The following ASTN2 variants were observed in gnomAD, a reference collection of about 807,000 sequenced individuals.
ASTN2 encodes astrotactin-2.
In ASTN2, 54 loss-of-function variants were observed where a neutral mutation model predicts 139.8. The observed-to-expected ratio is 0.39, with a 90% CI of 0.31 to 0.48. The LOEUF is 0.48. Among genes scored for constraint, ASTN2 ranks in the 20% least tolerant of loss-of-function variants. The pLI, the probability that ASTN2 is intolerant of heterozygous loss-of-function variation, is 0.95. For missense variants in ASTN2, 1,565 were observed against 1,725.1 expected (o/e 0.91, Z 1.64); for synonymous variants, 756 against 719.5 (o/e 1.05, Z -0.81).
intron 7 of ASTN2, among the ~76,000 whole-genome samples, chr9:116,997,811 G>A (rs1310583540): frequency 1.3e-5 from 2 of 152,140 alleles, no homozygotes; most frequent in Non-Finnish European, 1.5e-5. Context: ...TACACAATAA[G>A]TGCCTAATAA....
intron 19 of ASTN2, among the ~76,000 whole-genome samples, chr9:116,530,136 TATATATATATATATAA>T (rs1470059043): frequency 0.023 from 670 of 29,236 alleles, 49 homozygotes; most frequent in African/African-American, 0.091. Context: ...TATATATATA[TATATATATATATATAA>T]AATAGAATAT....
intron 10 of ASTN2, among the ~76,000 whole-genome samples, chr9:116,870,664 C>T (rs181938155): frequency 1.8e-4 from 27 of 152,278 alleles, no homozygotes; most frequent in South Asian, 1.0e-3. Context: ...ACAGCCATCC[C>T]CTAATTACCT....
chr9:116,868,056 G>A (rs9802223), intron 10 of ASTN2, among the ~76,000 whole-genome samples: 57,528 of 151,922 alleles, frequency 0.38, 11,612 homozygotes, highest in Non-Finnish European at 0.46. Flanking sequence ...CACTGGGGGC[G>A]GAGGCAGGCT....
chr9:116,720,439 TTAATTG>T (rs1316177371), intron 16 of ASTN2, among the ~76,000 whole-genome samples: 2 of 152,210 alleles, frequency 1.3e-5, no homozygotes, highest in Non-Finnish European at 2.9e-5. Context: ...AAAAGACATG[TTAATTG>T]CATAGCATTC....
intron 7 of ASTN2, among the ~76,000 whole-genome samples, chr9:116,977,662 C>T (rs114413510): frequency 0.011 from 1,656 of 152,058 alleles, 30 homozygotes; most frequent in African/African-American, 0.03. Flanking sequence ...GTCCTACTCC[C>T]AGCTGTTGTC....
At chr9:116,992,868 AAAT>A (rs1836897922) in intron 7 of ASTN2, among the ~76,000 whole-genome samples, 1 of 152,172 alleles carries the variant, frequency 6.6e-6, no homozygotes, top group Non-Finnish European at 1.5e-5. Context: ...GATGCACACT[AAAT>A]AATAGCAATG....
At chr9:117,116,147 G>T (rs537285362) in intron 4 of ASTN2, among the ~76,000 whole-genome samples, 17 of 152,190 alleles carry the variant, frequency 1.1e-4, no homozygotes, top group African/African-American at 3.9e-4. Flanking sequence ...ATAGGCTAAT[G>T]CAAGAGCTGT....
chr9:116,963,530 G>A (rs996435028), intron 10 of ASTN2, among the ~76,000 whole-genome samples: 9 of 152,162 alleles, frequency 5.9e-5, no homozygotes, highest in South Asian at 2.1e-4. Flanking sequence ...TTGGTACAGC[G>A]GTTGGATTGG....
At chr9:116,647,278 A>T (rs1282883706) in intron 17 of ASTN2, among the ~76,000 whole-genome samples, 1 of 152,160 alleles carries the variant, frequency 6.6e-6, no homozygotes, top group Non-Finnish European at 1.5e-5. Flanking sequence ...GACCATATCC[A>T]CTTGTCATAC....
At chr9:116,658,970 T>G (rs561280851) in intron 16 of ASTN2, among the ~76,000 whole-genome samples, 2 of 152,226 alleles carry the variant, frequency 1.3e-5, no homozygotes, top group Admixed American at 6.5e-5. Context: ...GCCTATTCCA[T>G]AAGTGATAAT....
chr9:116,528,647 AG>A (rs1851196704), intron 19 of ASTN2, among the ~76,000 whole-genome samples: 2 of 152,252 alleles, frequency 1.3e-5, no homozygotes, highest in African/African-American at 4.8e-5. Flanking sequence ...AGGGCATTTC[AG>A]AAATTTTCAC....
At chr9:116,536,665 A>G (rs527450431) in intron 19 of ASTN2, among the ~76,000 whole-genome samples, 1 of 152,372 alleles carries the variant, frequency 6.6e-6, no homozygotes, top group African/African-American at 2.4e-5. Flanking sequence ...AGGCTGCAGA[A>G]CATCGAATAT....
chr9:117,288,802 C>T lies in ASTN2; in HGVS notation c.630+2524G>A, dbSNP rs1834512855. On this transcript the variant is annotated intron_variant, in intron 2 of 22. Transcript: ENST00000313400. ...CTGACTGAGGGATCTTAGACAAGTC[C>T]TAGCCTGTCCCAGACCTCAGTATCC... Among the ~76,000 whole-genome samples the T allele has an allele frequency of 2.0e-5, 3 of 152,136 alleles. No individual in the cohort carries two copies. The South Asian group carries it at 6.2e-4, about 32-fold the overall frequency.
chr9:117,006,375 C>A (rs969957632), intron 7 of ASTN2, among the ~76,000 whole-genome samples: 2 of 152,134 alleles, frequency 1.3e-5, no homozygotes, highest in Non-Finnish European at 2.9e-5. Flanking sequence ...TCAATGTGTC[C>A]CATTGTTCAG....
chr9:117,385,687 T>C (rs966157358), intron 1 of ASTN2, among the ~76,000 whole-genome samples: 1 of 151,464 alleles, frequency 6.6e-6, no homozygotes, highest in Non-Finnish European at 1.5e-5. Context: ...GGCTTCTGTG[T>C]GCCCCTAGGA....
chr9:116,861,289 A>G (rs1254224597), intron 11 of ASTN2, among the ~76,000 whole-genome samples: 2 of 151,196 alleles, frequency 1.3e-5, no homozygotes, highest in African/African-American at 4.9e-5. Context: ...TTTCATTCCT[A>G]TGGGATATCT....
intron 11 of ASTN2, among the ~76,000 whole-genome samples, chr9:116,841,245 C>T (rs894040522): frequency 1.3e-5 from 2 of 152,144 alleles, no homozygotes; most frequent in Admixed American, 6.5e-5. Context: ...GGCGTGGCGG[C>T]GTGCACCTGC....
intron 2 of ASTN2, among the ~76,000 whole-genome samples, chr9:117,281,953 C>A (rs567863407): frequency 1.3e-5 from 2 of 152,330 alleles, no homozygotes; most frequent in South Asian, 4.1e-4. Flanking sequence ...CGCTACCCGA[C>A]TCCCAGCCCT....
At chr9:116,858,693 C>G (rs988171218) in intron 11 of ASTN2, among the ~76,000 whole-genome samples, 1 of 152,198 alleles carries the variant, frequency 6.6e-6, no homozygotes. Context: ...AAGGGGAACA[C>G]AGGCTCCCTC....
Sources: allele counts gnomAD v4.1 joint callset (sites outside exome capture counted in the v4.1 genomes callset), GRCh38; gene constraint gnomAD v4.1.1; transcripts MANE v1.5; gene names NCBI Gene and HGNC (gene_info 2026-07-23, HGNC 2026-07-21).